BCO1: variants seen among roughly 807,000 people sequenced by gnomAD.
BCO1 encodes beta-carotene oxygenase 1.
A neutral mutation model predicts 56.3 loss-of-function variants in BCO1; 54 were observed. That is an observed-to-expected ratio of 0.96 (90% CI 0.77 to 1.20). BCO1 has a LOEUF of 1.20. Among genes scored for constraint, BCO1 ranks in the 50% most tolerant of loss-of-function variants. BCO1 has a pLI of 0.00. For synonymous variants in BCO1, 318 were observed against 266.1 expected (o/e 1.20, Z -1.90); for missense variants, 801 against 690.9 (o/e 1.16, Z -1.79).
chr16:81,261,105 A>G (rs1906456433), intron 3 of BCO1, among the ~76,000 whole-genome samples: 1 of 152,198 alleles, frequency 6.6e-6, no homozygotes, highest in Non-Finnish European at 1.5e-5. Context: ...GGAGCCAGTG[A>G]GAAAGGAGGA....
chr16:81,287,362 A>G lies in BCO1; in HGVS notation c.1370A>G (p.Glu457Gly). 1 of 1,614,124 alleles carries G rather than the reference A, an allele frequency of 6.2e-7. No homozygotes were observed. The highest frequency in any genetic ancestry group is 8.5e-7 in the Non-Finnish European group (1 of 1,180,006). The change falls in exon 10 of 11, where the codon GAA becomes GGA. Residue 457 changes from glutamate to glycine, a missense_variant. Glu to Gly is a moderately conservative substitution (Grantham distance 98). Coordinates refer to ENST00000258168, the MANE Select transcript of BCO1 (RefSeq NM_017429.3). ...KWREDDCWPAEPLFVPAPGAK... is the reference protein window; with the variant it reads ...KWREDDCWPAGPLFVPAPGAK... ...AGAGAGGACGACTGCTGGCCAGCGG[A>G]ACCCCTGTTTGTGCCCGCGCCAGGT...
chr16:81,263,341 A>G (rs555678022), intron 4 of BCO1: 1 of 151,952 alleles, frequency 6.6e-6, no homozygotes, highest in South Asian at 2.1e-4. Context: ...TGATCTCCTG[A>G]CCTCATGATT....
chr16:81,256,465 C>G (rs960738053), intron 2 of BCO1, among the ~76,000 whole-genome samples: 1 of 152,132 alleles, frequency 6.6e-6, no homozygotes. Flanking sequence ...GAAGCACATA[C>G]TATACCACGA....
At chr16:81,240,921 G>C (rs1905078432) in intron 1 of BCO1, among the ~76,000 whole-genome samples, 2 of 144,762 alleles carry the variant, frequency 1.4e-5, no homozygotes, top group East Asian at 2.1e-4. Context: ...CACAACCTCT[G>C]CCTCCTGGGT....
intron 7 of BCO1, among the ~76,000 whole-genome samples, chr16:81,273,320 C>T (rs1907354428): frequency 6.6e-6 from 1 of 152,104 alleles, no homozygotes; most frequent in Non-Finnish European, 1.5e-5. Context: ...AGGAGGAACT[C>T]TGCTATTCTC....
chr16:81,289,188 C>T (rs1423939154), intron 10 of BCO1, among the ~76,000 whole-genome samples: 1 of 152,226 alleles, frequency 6.6e-6, no homozygotes, highest in Non-Finnish European at 1.5e-5. Flanking sequence ...CTGGGACCCT[C>T]TGGAGGCATT....
intron 7 of BCO1, 117 bp from the exon 8 acceptor site, chr16:81,280,740 T>C (rs1019663774): frequency 7.9e-6 from 6 of 755,990 alleles, no homozygotes; most frequent in African/African-American, 6.9e-5. Context: ...ATGATTAATG[T>C]GAGGCTAAGC....
At chr16:81,242,207 T>C (rs1877098964) in intron 1 of BCO1, among the ~76,000 whole-genome samples, 2 of 147,042 alleles carry the variant, frequency 1.4e-5, no homozygotes, top group Non-Finnish European at 3.0e-5. Context: ...TTTTTTTTTT[T>C]TTTTTTTTTT....
chr16:81,260,675 A>AT (rs1198225147), intron 3 of BCO1, among the ~76,000 whole-genome samples: 1 of 151,986 alleles, frequency 6.6e-6, no homozygotes, highest in South Asian at 2.1e-4. Flanking sequence ...CGCCCGGCTA[A>AT]TTTTTATATT....
At chr16:81,268,956 G>T (rs1466676634) in intron 6 of BCO1, among the ~76,000 whole-genome samples, 2 of 151,710 alleles carry the variant, frequency 1.3e-5, no homozygotes, top group African/African-American at 4.8e-5. Context: ...TGTAGAGATT[G>T]GGGTCTTGCT....
At chr16:81,242,699 C>A (rs1188072445) in intron 1 of BCO1, among the ~76,000 whole-genome samples, 1 of 152,112 alleles carries the variant, frequency 6.6e-6, no homozygotes, top group Non-Finnish European at 1.5e-5. Context: ...TGGAGACAAC[C>A]TTCGAAGCTC....
intron 7 of BCO1, among the ~76,000 whole-genome samples, chr16:81,274,359 G>A (rs1188884980): frequency 2.7e-5 from 4 of 149,444 alleles, no homozygotes; most frequent in African/African-American, 9.9e-5. Flanking sequence ...CGCCTCCCGG[G>A]TTCACGCCAT....
At chr16:81,246,046 C>T (rs890156335) in intron 2 of BCO1, among the ~76,000 whole-genome samples, 16 of 151,492 alleles carry the variant, frequency 1.1e-4, no homozygotes, top group African/African-American at 3.6e-4. Flanking sequence ...TACTTTTGGT[C>T]TCAAACTCCT....
At chr16:81,239,791 A>G (rs1169467817) in intron 1 of BCO1, among the ~76,000 whole-genome samples, 1 of 152,018 alleles carries the variant, frequency 6.6e-6, no homozygotes, top group Non-Finnish European at 1.5e-5. Flanking sequence ...TGTTTCGCTT[A>G]ATCTTTTATA....
chr16:81,262,391 C>G (rs1906544425), intron 4 of BCO1, 108 bp downstream of exon 4: 1 of 1,208,090 alleles, frequency 8.3e-7, no homozygotes, highest in African/African-American at 1.5e-5. Context: ...AGGGGAGCCC[C>G]TCCTCTAACA....
rs373911986 is a variant in BCO1, at chr16:81,270,179, C to T, written c.864C>T (p.Asp288=). 1 of 1,614,158 alleles carries T rather than the reference C, an allele frequency of 6.2e-7. No homozygotes were observed. Among genetic ancestry groups the T allele is most frequent in the South Asian group, 1.1e-5 (1 of 91,080 alleles). The change falls in exon 7 of 11, where the codon GAC becomes GAT. Residue 288 remains aspartate, a synonymous_variant. Coordinates refer to ENST00000258168, the MANE Select transcript of BCO1 (RefSeq NM_017429.3). Reference sequence around the variant, plus strand: ...TTCAGACTTATATCCACATCATCGACCAAAGGACCAGGCAGCCTGTGCAGA... The same window carrying T: ...TTCAGACTTATATCCACATCATCGATCAAAGGACCAGGCAGCCTGTGCAGA... ...REEKTYIHII[D]QRTRQPVQTK...
chr16:81,287,172 C>T (rs538021440), intron 9 of BCO1, 123 bp from the exon 10 acceptor site: 14 of 781,534 alleles, frequency 1.8e-5, no homozygotes, highest in African/African-American at 6.8e-5. Flanking sequence ...TGGGAGACTA[C>T]GTCAAAAGTC....
At chr16:81,285,498 C>T (rs371953358) in intron 8 of BCO1, 42 bp from the exon 9 acceptor site, 23 of 1,428,348 alleles carry the variant, frequency 1.6e-5, no homozygotes, top group Non-Finnish European at 2.3e-5. Context: ...GCTCCCAGCC[C>T]CCAATGATAG....
chr16:81,257,820 C>T (rs987517615), intron 2 of BCO1, among the ~76,000 whole-genome samples: 8 of 149,042 alleles, frequency 5.4e-5, no homozygotes, highest in African/African-American at 2.0e-4. Context: ...GCTGAGCTTG[C>T]AGTGAGCCAA....
Sources: gnomAD v4.1 joint callset for allele counts (sites outside exome capture counted in the v4.1 genomes callset) on GRCh38, gnomAD v4.1.1 for gene constraint, MANE v1.5 for transcripts, NCBI Gene and HGNC (gene_info 2026-07-23, HGNC 2026-07-21) for gene names.